The following GRK3 variants were observed in gnomAD, a reference collection of about 807,000 sequenced individuals.
GRK3 encodes adrenergic, beta, receptor kinase 2.
Under a neutral mutation model 95.7 loss-of-function variants are expected in GRK3, and 54 were observed. That is an observed-to-expected ratio of 0.56 (90% CI 0.45 to 0.71). The LOEUF (loss-of-function observed/expected upper bound fraction) is 0.71, where lower values mean the gene tolerates loss of function less well. Ranked by LOEUF, GRK3 falls within the 30% of genes least tolerant of loss-of-function variation. The pLI is 0.00. For missense variants in GRK3, 649 were observed against 851.2 expected (o/e 0.76, Z 2.96); for synonymous variants, 281 against 290.8 (o/e 0.97, Z 0.34).
intron 6 of GRK3, among the ~76,000 whole-genome samples, chr22:25,668,055 C>A (rs1411647172): frequency 6.6e-6 from 1 of 152,066 alleles, no homozygotes; most frequent in Non-Finnish European, 1.5e-5. Context: ...ACTGAGGAAC[C>A]TCAATTTTAA....
chr22:25,644,066 A>T (rs1239302137), intron 2 of GRK3, among the ~76,000 whole-genome samples: 2 of 152,082 alleles, frequency 1.3e-5, no homozygotes, highest in Non-Finnish European at 2.9e-5. Flanking sequence ...AGGGACTTGG[A>T]AATAGTGAGT....
Position 25,661,691 on chromosome 22 carries a change from C to CT in GRK3, c.366+16dup. 1 of 1,510,844 alleles carries CT rather than the reference C, an allele frequency of 6.6e-7. No individual in the cohort carries two copies. The highest frequency in any genetic ancestry group is 9.2e-7 in the Non-Finnish European group (1 of 1,090,412). The allele number at this position is 1,510,844 out of a possible 1,614,324, so 93.6% of individuals were successfully genotyped here. A position where few individuals can be genotyped will look rare whatever the true frequency, so the allele number is the denominator to read the frequency against. ...TCCTGTTCACATGTAAGTATTTCTT[C>CT]TTACTCTGTTACTTTAGTACTGATG... is the stretch of plus-strand genomic sequence containing the variant. On this transcript the variant is annotated intron_variant, in intron 4 of 20. Coordinates refer to ENST00000324198, the MANE Select transcript of GRK3 (RefSeq NM_005160.4).
At chr22:25,692,723 GAGAA>G (rs2085174851) in intron 12 of GRK3, among the ~76,000 whole-genome samples, 1 of 152,244 alleles carries the variant, frequency 6.6e-6, no homozygotes, top group African/African-American at 2.4e-5. Flanking sequence ...TTGAGGTTCA[GAGAA>G]AGTAAGTAAC....
intron 16 of GRK3, 79 bp from the exon 17 acceptor site, chr22:25,710,989 C>A: frequency 1.3e-6 from 1 of 768,408 alleles, no homozygotes; most frequent in Non-Finnish European, 2.2e-6. Flanking sequence ...TCGCACTGTG[C>A]TGTCTTTGTA....
At chr22:25,675,283 C>T (rs1325169470) in intron 8 of GRK3, among the ~76,000 whole-genome samples, 1 of 152,138 alleles carries the variant, frequency 6.6e-6, no homozygotes, top group Admixed American at 6.5e-5. Flanking sequence ...AGATCAGTAG[C>T]TGGGGTGCTG....
chr22:25,618,269 G>T (rs2084555008), intron 2 of GRK3, among the ~76,000 whole-genome samples: 1 of 152,244 alleles, frequency 6.6e-6, no homozygotes, highest in African/African-American at 2.4e-5. Context: ...GCTGGATCGT[G>T]TCTGATAGGT....
At chr22:25,695,740 G>C (rs2085202577) in intron 13 of GRK3, among the ~76,000 whole-genome samples, 1 of 151,986 alleles carries the variant, frequency 6.6e-6, no homozygotes, top group Non-Finnish European at 1.5e-5. Flanking sequence ...CAGGCTCACT[G>C]TAGCCTCGAC....
intron 3 of GRK3, among the ~76,000 whole-genome samples, chr22:25,656,992 A>G (rs1407425124): frequency 6.6e-6 from 1 of 152,202 alleles, no homozygotes; most frequent in Non-Finnish European, 1.5e-5. Context: ...CTAACATGGT[A>G]GGAAAGAACT....
Position 25,648,861 on chromosome 22 carries a change from T to A in GRK3, c.264+4196T>A. ...AATAGCAGATTTTGGTTTAGCAAGGTTAATTGAAGACAATGAATACACATC... is the reference window on the plus strand; with the variant it reads ...AATAGCAGATTTTGGTTTAGCAAGGATAATTGAAGACAATGAATACACATC... On this transcript the variant is annotated intron_variant, in intron 3 of 20. Coordinates refer to ENST00000324198, the MANE Select transcript of GRK3 (RefSeq NM_005160.4). 3 of 1,000,390 alleles carry A rather than the reference T, an allele frequency of 3.0e-6. No individual in the cohort carries two copies. The Admixed American group carries it at 5.1e-5, about 17-fold the overall frequency. The allele number at this position is 1,000,390 out of a possible 1,614,324, so 62.0% of individuals were successfully genotyped here. A position where few individuals can be genotyped will look rare whatever the true frequency, so the allele number is the denominator to read the frequency against.
At position 25,720,467 on chromosome 22, in the gene GRK3, C is replaced by CTT. The variant is rs963248407; in HGVS notation, c.1792-791_1792-790dup. Among the ~76,000 whole-genome samples, 595 of 102,586 alleles carry CTT rather than the reference C, an allele frequency of 5.8e-3. 30 individuals carry two copies. Among genetic ancestry groups the CTT allele is most frequent in the African/African-American group, 0.017 (432 of 25,902 alleles). The allele number at this position is 102,586 out of a possible 152,430, so 67.3% of individuals were successfully genotyped here. ...TCACTTTAAGGAATAATACTATAGA[C>CTT]TTTTTTTTTTTTTTTTTTTTTTTTT... On this transcript the variant is annotated intron_variant, in intron 19 of 20. Transcript: ENST00000324198.
intron 13 of GRK3, among the ~76,000 whole-genome samples, chr22:25,701,767 A>G (rs2085260636): frequency 6.6e-6 from 1 of 152,174 alleles, no homozygotes; most frequent in Non-Finnish European, 1.5e-5. Context: ...ATCCCTTTTT[A>G]TACATTAAGG....
In GRK3 at chr22:25,725,251, T is replaced by C; in HGVS notation, c.*2801T>C. ...AATTCAGCCTATTTTTTTTCATTATTTTAGATTCCTGTGGTTGGGATATTT... is the reference window on the plus strand; with the variant it reads ...AATTCAGCCTATTTTTTTTCATTATCTTAGATTCCTGTGGTTGGGATATTT... On this transcript the variant is annotated 3_prime_UTR_variant, in exon 21 of 21. Coordinates refer to ENST00000324198, the MANE Select transcript of GRK3 (RefSeq NM_005160.4). 1 of 270,494 alleles carries C rather than the reference T, an allele frequency of 3.7e-6. No homozygotes were observed. The highest frequency in any genetic ancestry group is 6.8e-6 in the Non-Finnish European group (1 of 146,298). 16.8% of individuals were successfully genotyped at this position (270,494 alleles called of 1,614,324 possible).
chr22:25,616,936 T>C (rs1330771462), intron 2 of GRK3, among the ~76,000 whole-genome samples: 1 of 152,148 alleles, frequency 6.6e-6, no homozygotes, highest in Non-Finnish European at 1.5e-5. Context: ...AGCTGGTGCT[T>C]TGAGGTCAGC....
At chr22:25,587,111 G>T (rs148751334) in intron 1 of GRK3, among the ~76,000 whole-genome samples, 264 of 152,170 alleles carry the variant, frequency 1.7e-3, no homozygotes, top group African/African-American at 6.0e-3. Flanking sequence ...GGCTGGTCTG[G>T]AACTCCTGAC....
At chr22:25,606,460 G>A (rs1321638956) in intron 2 of GRK3, among the ~76,000 whole-genome samples, 1 of 152,176 alleles carries the variant, frequency 6.6e-6, no homozygotes, top group Non-Finnish European at 1.5e-5. Flanking sequence ...CAGGCATTGG[G>A]GGAGAGTGGA....
chr22:25,719,880 G>A (rs542104081), intron 19 of GRK3, among the ~76,000 whole-genome samples: 2 of 152,260 alleles, frequency 1.3e-5, no homozygotes, highest in Admixed American at 6.5e-5. Flanking sequence ...TTTACTGTTA[G>A]CAAAGTTTTC....
intron 13 of GRK3, among the ~76,000 whole-genome samples, chr22:25,699,742 A>G (rs1601536051): frequency 7.3e-6 from 1 of 136,334 alleles, no homozygotes; most frequent in African/African-American, 2.8e-5. Context: ...TCTGTCGCCC[A>G]GGCTGGAGTG....
At chr22:25,567,503 A>G (rs1931532762) in intron 1 of GRK3, among the ~76,000 whole-genome samples, 1 of 152,202 alleles carries the variant, frequency 6.6e-6, no homozygotes, top group South Asian at 2.1e-4. Context: ...TGCATGTTAA[A>G]ATGCCCCAGC....
At chr22:25,656,073 T>A in intron 3 of GRK3, among the ~76,000 whole-genome samples, 1 of 152,128 alleles carries the variant, frequency 6.6e-6, no homozygotes, top group East Asian at 1.9e-4. Flanking sequence ...CTGGAATGAT[T>A]ATAGTACCTG....
Sources: allele counts gnomAD v4.1 joint callset (sites outside exome capture counted in the v4.1 genomes callset), GRCh38; gene constraint gnomAD v4.1.1; transcripts MANE v1.5; gene names NCBI Gene and HGNC (gene_info 2026-07-23, HGNC 2026-07-21).